Variants in PTPRQ observed in about 807,000 individuals in gnomAD.
The protein encoded by PTPRQ is protein tyrosine phosphatase receptor type Q.
Under a neutral mutation model 246.0 loss-of-function variants are expected in PTPRQ, and 199 were observed. The ratio of observed to expected loss-of-function variants is 0.81; its 90% confidence interval spans 0.72 to 0.91. The LOEUF (loss-of-function observed/expected upper bound fraction) is 0.91. Among genes scored for constraint, PTPRQ ranks in the 40% least tolerant of loss-of-function variants. The probability of loss-of-function intolerance (pLI) is 0.00; values close to 1 mark genes in which losing one functional copy is unlikely to be tolerated. For synonymous variants in PTPRQ, 869 were observed against 853.2 expected, an observed-to-expected ratio of 1.02 and a Z score of -0.32; for missense variants, 2,624 against 2,528.4, an observed-to-expected ratio of 1.04 and a Z score of -0.81.
intron 35 of PTPRQ, among the ~76,000 whole-genome samples, chr12:80,636,740 G>A (rs1392839186): frequency 8.5e-5 from 13 of 152,248 alleles, no homozygotes; most frequent in Non-Finnish European, 1.8e-4. Flanking sequence ...TTAGTAGCCC[G>A]TGAAAAATCC....
chr12:80,475,218 T>C (rs142277163), intron 8 of PTPRQ, among the ~76,000 whole-genome samples: 169 of 152,232 alleles, frequency 1.1e-3, no homozygotes, highest in Middle Eastern at 3.4e-3. Context: ...GTAAAATTTA[T>C]AAATATATTA....
intron 35 of PTPRQ, among the ~76,000 whole-genome samples, chr12:80,637,112 A>T (rs1899683569): frequency 6.6e-6 from 1 of 152,090 alleles, no homozygotes; most frequent in South Asian, 2.1e-4. Flanking sequence ...ATATAAAATT[A>T]GCCCAGCATG....
rs1194902068 is a variant in PTPRQ, at chr12:80,601,529, G to A, written c.4610-3530G>A. Among the ~76,000 whole-genome samples, 4 of 151,658 alleles carry A rather than the reference G, an allele frequency of 2.6e-5. No individual in the cohort carries two copies. In the East Asian group the frequency reaches 7.8e-4, roughly 29 times the overall value. On this transcript the variant is annotated intron_variant, in intron 26 of 44. Transcript: ENST00000644991. ...TATTCTCAAGGCCAACTAAACATTT[G>A]GTTATAATAAAGACAAGGGGACTCT...
At chr12:80,655,893 C>T (rs1194260048) in intron 38 of PTPRQ, among the ~76,000 whole-genome samples, 1 of 152,126 alleles carries the variant, frequency 6.6e-6, no homozygotes, top group African/African-American at 2.4e-5. Context: ...TTTTAGAAGA[C>T]ATTAGCTTAA....
chr12:80,455,502 C>T lies in PTPRQ; in HGVS notation c.391-2073C>T, dbSNP rs577708707. Among the ~76,000 whole-genome samples the T allele has an allele frequency of 3.3e-5, 5 of 152,036 alleles. 1 individual carries two copies. In the South Asian group the frequency reaches 8.3e-4, roughly 25 times the overall value. ...CTAAAGTGCCACTTTTGCTAAGAAT[C>T]GTGAACTCAATGTAATTACTTTCAA... is the stretch of plus-strand genomic sequence containing the variant. On this transcript the variant is annotated intron_variant, in intron 3 of 44. Transcript: ENST00000644991.
Position 80,605,119 on chromosome 12 carries a change from T to C in PTPRQ, c.4670T>C (p.Ile1557Thr). The change falls in exon 27 of 45, where the codon ATA becomes ACA. Residue 1557 changes from isoleucine (I) to threonine (T), a missense_variant. Ile to Thr is a moderately conservative substitution (Grantham distance 89). Coordinates refer to ENST00000644991, the MANE Select transcript of PTPRQ (RefSeq NM_001145026.2). ...VVATSPFSIS[I>T]SWSEPAVITG... ...GCAACATCACCTTTTAGCATCAGCA[T>C]AAGCTGGAGTGAACCTGCTGTCATT... 6.5e-7 allele frequency: 1 copy of C among 1,545,824 alleles called. No homozygotes were observed. Among genetic ancestry groups the C allele is most frequent in the Non-Finnish European group, 8.7e-7 (1 of 1,143,404 alleles).
At chr12:80,523,350 G>A (rs1195395447) in intron 17 of PTPRQ, among the ~76,000 whole-genome samples, 1 of 151,946 alleles carries the variant, frequency 6.6e-6, no homozygotes, top group African/African-American at 2.4e-5. Flanking sequence ...AGGGTTTTTT[G>A]TGTTTCTATT....
intron 25 of PTPRQ, among the ~76,000 whole-genome samples, chr12:80,564,039 C>T (rs1479636880): frequency 3.3e-5 from 5 of 150,760 alleles, no homozygotes; most frequent in South Asian, 2.1e-4. Context: ...TTTTTGTGTG[C>T]GTGTGCTTTT....
intron 33 of PTPRQ, among the ~76,000 whole-genome samples, chr12:80,629,629 C>T (rs1051456446): frequency 6.6e-6 from 1 of 151,678 alleles, no homozygotes; most frequent in Non-Finnish European, 1.5e-5. Context: ...GACCAGATCA[C>T]ACATGCCACT....
intron 25 of PTPRQ, among the ~76,000 whole-genome samples, chr12:80,573,837 C>T (rs991659083): frequency 1.3e-5 from 2 of 151,972 alleles, no homozygotes; most frequent in Non-Finnish European, 1.5e-5. Context: ...TTGTGCTTTC[C>T]ATTACATCGA....
intron 41 of PTPRQ, 138 bp from the exon 42 acceptor site, chr12:80,670,206 A>T: frequency 7.9e-7 from 1 of 1,259,500 alleles, no homozygotes; most frequent in East Asian, 2.6e-5. Flanking sequence ...CTCTTATAGG[A>T]AATAATGAAA....
chr12:80,535,207 C>T (rs1657028027), intron 19 of PTPRQ, among the ~76,000 whole-genome samples, 170 bp downstream of exon 19: 1 of 122,958 alleles, frequency 8.1e-6, no homozygotes, highest in African/African-American at 3.2e-5. Context: ...ATGTCAGATA[C>T]ATTTAATCTC....
chr12:80,478,840 G>C lies in PTPRQ; in HGVS notation c.1187-5593G>C, dbSNP rs1219207090. Reference sequence around the variant, plus strand: ...AAGTTTAGAGAAAAATGAATAAAAAGAAATGAGCAAAGCCTCCAAGAAATA... The same window carrying C: ...AAGTTTAGAGAAAAATGAATAAAAACAAATGAGCAAAGCCTCCAAGAAATA... On this transcript the variant is annotated intron_variant, in intron 8 of 44. Coordinates refer to ENST00000644991, the MANE Select transcript of PTPRQ (RefSeq NM_001145026.2). 2.6e-5 allele frequency among the ~76,000 whole-genome samples: 4 copies of C among 152,296 alleles called. 1 individual carries two copies. Among genetic ancestry groups the C allele is most frequent in the Admixed American group, 2.6e-4 (4 of 15,296 alleles).
intron 8 of PTPRQ, among the ~76,000 whole-genome samples, chr12:80,474,135 T>C (rs922266444): frequency 1.3e-5 from 2 of 152,232 alleles, no homozygotes; most frequent in Non-Finnish European, 2.9e-5. Flanking sequence ...TTTAAAACTT[T>C]GAAATAAATG....
intron 35 of PTPRQ, among the ~76,000 whole-genome samples, chr12:80,639,944 T>C (rs1186893305): frequency 1.3e-5 from 2 of 152,146 alleles, no homozygotes; most frequent in African/African-American, 4.8e-5. Flanking sequence ...GACAGGTTTA[T>C]GTAAATGTCT....
At chr12:80,501,063 G>A (rs944012563) in intron 14 of PTPRQ, among the ~76,000 whole-genome samples, 1 of 151,870 alleles carries the variant, frequency 6.6e-6, no homozygotes, top group African/African-American at 2.4e-5. Flanking sequence ...AGGAAGAACA[G>A]CAATTGCCAA....
chr12:80,667,543 C>G (rs1900825581), intron 39 of PTPRQ, among the ~76,000 whole-genome samples: 1 of 151,736 alleles, frequency 6.6e-6, no homozygotes, highest in African/African-American at 2.4e-5. Flanking sequence ...GTCTATTTCT[C>G]CTAATGATAA....
At chr12:80,612,204 A>G (rs1445592267) in intron 28 of PTPRQ, among the ~76,000 whole-genome samples, 1 of 150,316 alleles carries the variant, frequency 6.7e-6, no homozygotes, top group African/African-American at 2.4e-5. Flanking sequence ...TTTTATCCTC[A>G]TACATATTTT....
At chr12:80,449,323 G>C (rs1184691687) in intron 3 of PTPRQ, among the ~76,000 whole-genome samples, 6 of 152,054 alleles carry the variant, frequency 3.9e-5, no homozygotes, top group Non-Finnish European at 7.4e-5. Flanking sequence ...CATTTTTTGG[G>C]TTGCCTGTTC....
Sources: allele counts gnomAD v4.1 joint callset (sites outside exome capture counted in the v4.1 genomes callset), GRCh38; gene constraint gnomAD v4.1.1; transcripts MANE v1.5; gene names NCBI Gene and HGNC (gene_info 2026-07-23, HGNC 2026-07-21).